Variants in GLI3 observed in about 807,000 individuals in gnomAD.
GLI3 encodes the protein GLI family zinc finger 3.
A neutral mutation model predicts 100.8 loss-of-function variants in GLI3; 20 were observed. The ratio of observed to expected loss-of-function variants is 0.20; its 90% CI spans 0.14 to 0.29. The LOEUF (loss-of-function observed/expected upper bound fraction) is 0.29. GLI3 is among the 10% of genes least tolerant of loss of function. GLI3 has a pLI of 1.00. For synonymous variants in GLI3, 938 were observed against 860.5 expected (o/e 1.09, Z -1.58); for missense variants, 2,040 against 2,128.5 (o/e 0.96, Z 0.82).
intron 2 of GLI3, among the ~76,000 whole-genome samples, chr7:42,159,831 T>G (rs1305332102): frequency 6.6e-6 from 1 of 152,166 alleles, no homozygotes; most frequent in Non-Finnish European, 1.5e-5. Flanking sequence ...AAAGCAAAAA[T>G]TCTCATAACA....
intron 2 of GLI3, among the ~76,000 whole-genome samples, chr7:42,160,845 A>C (rs953630924): frequency 2.6e-5 from 4 of 152,220 alleles, no homozygotes; most frequent in Non-Finnish European, 5.9e-5. Flanking sequence ...TAGACAGCTT[A>C]GGAGGGAATA....
At chr7:42,090,585 G>C (rs1042085833) in intron 3 of GLI3, among the ~76,000 whole-genome samples, 4 of 152,134 alleles carry the variant, frequency 2.6e-5, no homozygotes, top group African/African-American at 9.7e-5. Flanking sequence ...GAAGGTTCAG[G>C]TCATGCTTCT....
intron 2 of GLI3, among the ~76,000 whole-genome samples, chr7:42,197,845 C>T (rs1171995141): frequency 2.0e-5 from 3 of 152,130 alleles, no homozygotes; most frequent in East Asian, 1.9e-4. Context: ...GCAAGGCTCT[C>T]GCTCTACATA....
At chr7:42,150,320 C>G (rs577997966) in intron 2 of GLI3, 1 of 152,254 alleles carries the variant, frequency 6.6e-6, no homozygotes, top group East Asian at 1.9e-4. Context: ...TTATTTTCCC[C>G]TCTAACTAAT....
At chr7:42,168,747 T>C (rs971771575) in intron 2 of GLI3, among the ~76,000 whole-genome samples, 2 of 151,538 alleles carry the variant, frequency 1.3e-5, no homozygotes, top group African/African-American at 4.9e-5. Flanking sequence ...AAGACCCCCA[T>C]CTCTAAAAAA....
At chr7:42,027,273 G>A (rs1789145461) in intron 7 of GLI3, among the ~76,000 whole-genome samples, 1 of 152,140 alleles carries the variant, frequency 6.6e-6, no homozygotes, top group Non-Finnish European at 1.5e-5. Flanking sequence ...AAAGAATGGA[G>A]TGTTCTTAAG....
rs565405275 is a variant in GLI3 at position 41,965,088 on chromosome 7, C to A, written c.3985G>T (p.Gly1329Cys). ...GCCCCCGGGTGCTGCATGCTGTCGCCGAGGAGCTGGTGAGCCAGGTACCCC... is the reference window on the plus strand; with the variant it reads ...GCCCCCGGGTGCTGCATGCTGTCGCAGAGGAGCTGGTGAGCCAGGTACCCC... The part of the protein sequence containing the change: ...GQGYLAHQLL[G>C]DSMQHPGAGR... Residue 1329 changes from glycine to cysteine, a missense_variant, in exon 15 of 15, where the codon GGC (glycine) becomes TGC (cysteine). Around this residue, in one of 5 missense-constraint regions of GLI3, gnomAD observed 1,041 missense variants for 924.0 expected, o/e 1.13. Transcript: ENST00000395925. The A allele has an allele frequency of 6.2e-7, 1 of 1,613,794 alleles. No individual in the cohort carries two copies. Among genetic ancestry groups the A allele is most frequent in the Non-Finnish European group, 8.5e-7 (1 of 1,180,014 alleles).
At chr7:42,163,800 T>C (rs1439284173) in intron 2 of GLI3, among the ~76,000 whole-genome samples, 1 of 152,190 alleles carries the variant, frequency 6.6e-6, no homozygotes, top group Admixed American at 6.5e-5. Flanking sequence ...CCAGTGTCTC[T>C]CTTTTTGACT....
chr7:42,107,060 A>C (rs563233835), intron 3 of GLI3, among the ~76,000 whole-genome samples: 3 of 152,268 alleles, frequency 2.0e-5, no homozygotes, highest in African/African-American at 7.2e-5. Context: ...TCACACCTGT[A>C]ATCCTCGCAT....
At chr7:42,222,462 G>C (rs1394122754) in intron 2 of GLI3, among the ~76,000 whole-genome samples, 1 of 152,208 alleles carries the variant, frequency 6.6e-6, no homozygotes, top group Non-Finnish European at 1.5e-5. Flanking sequence ...TATTCAGTCT[G>C]TTTGTACCAG....
intron 3 of GLI3, among the ~76,000 whole-genome samples, chr7:42,101,820 A>G (rs1785469189): frequency 8.2e-6 from 1 of 122,096 alleles, no homozygotes; most frequent in Non-Finnish European, 1.7e-5. Flanking sequence ...ATATCTCCCA[A>G]TGCTATCCCT....
chr7:42,203,614 C>T (rs1349127627), intron 2 of GLI3, among the ~76,000 whole-genome samples: 1 of 152,180 alleles, frequency 6.6e-6, no homozygotes, highest in Non-Finnish European at 1.5e-5. Context: ...CATTTTCTTT[C>T]TCCATTTGCC....
rs781099604 is a variant in GLI3 at position 42,148,379 on chromosome 7, T to A, written c.214A>T (p.Ser72Cys). Residue 72 changes from serine (S) to cysteine (C), a missense_variant, in exon 3 of 15, where the codon AGT becomes TGT. Physicochemically the swap from Ser to Cys is moderately radical, Grantham distance 112. Coordinates refer to ENST00000395925, the MANE Select transcript of GLI3 (RefSeq NM_000168.6). ...PQNVQGLSKV[S>C]EEPSTSSDER... ...TCACTCGATGTTGAAGGTTCCTCAC[T>A]GACTTTGCTGAGCCCCTGGACATTC... 1.7e-5 allele frequency: 27 copies of A among 1,614,196 alleles called. No homozygotes were observed. Among genetic ancestry groups the A allele is most frequent in the Non-Finnish European group, 2.2e-5 (26 of 1,180,014 alleles).
At chr7:42,257,798 T>C (rs1789100446) in intron 1 of GLI3, among the ~76,000 whole-genome samples, 1 of 152,244 alleles carries the variant, frequency 6.6e-6, no homozygotes, top group Non-Finnish European at 1.5e-5. Context: ...TTTCTACATC[T>C]ATTAAGATAA....
chr7:41,991,074 C>A (rs576055102), intron 10 of GLI3, among the ~76,000 whole-genome samples: 1 of 152,174 alleles, frequency 6.6e-6, no homozygotes, highest in Non-Finnish European at 1.5e-5. Flanking sequence ...TATGATATGA[C>A]AGTTACTGTG....
At chr7:42,096,725 C>G (rs1488836932) in intron 3 of GLI3, among the ~76,000 whole-genome samples, 2 of 152,130 alleles carry the variant, frequency 1.3e-5, no homozygotes, top group African/African-American at 2.4e-5. Flanking sequence ...CAGGTCAGAG[C>G]ATGGAGAGTA....
chr7:42,153,286 T>C (rs1786919835), intron 2 of GLI3, among the ~76,000 whole-genome samples: 2 of 152,192 alleles, frequency 1.3e-5, no homozygotes, highest in Non-Finnish European at 1.5e-5. Context: ...CTATTTCTGG[T>C]ATTTCGGAAT....
intron 4 of GLI3, among the ~76,000 whole-genome samples, chr7:42,059,232 A>T (rs1241067153): frequency 6.6e-6 from 1 of 152,070 alleles, no homozygotes; most frequent in Non-Finnish European, 1.5e-5. Flanking sequence ...ATATTAAATT[A>T]TTATTTTAGC....
intron 3 of GLI3, among the ~76,000 whole-genome samples, chr7:42,133,643 G>GAAAA (rs11400220): frequency 2.1e-5 from 3 of 140,322 alleles, no homozygotes; most frequent in Non-Finnish European, 3.1e-5. Context: ...GAAAGCAGCA[G>GAAAA]AAAAAAAAAA....
Sources: allele counts gnomAD v4.1 joint callset (sites outside exome capture counted in the v4.1 genomes callset), GRCh38; gene constraint gnomAD v4.1.1; regional missense constraint gnomAD v4.1.1; transcripts MANE v1.5; gene names NCBI Gene and HGNC (gene_info 2026-07-23, HGNC 2026-07-21).